Variants in NFAM1 observed in about 807,000 individuals in gnomAD.
NFAM1 encodes the protein NFAT activating protein with ITAM motif 1.
A neutral mutation model predicts 29.0 loss-of-function variants in NFAM1; 17 were observed. The ratio of observed to expected loss-of-function variants is 0.59; its 90% CI spans 0.40 to 0.88. NFAM1 has a LOEUF of 0.88. Ranked by LOEUF, NFAM1 falls within the 40% of genes least tolerant of loss-of-function variation. The pLI is 0.00. For synonymous variants in NFAM1, 175 were observed against 147.2 expected (o/e 1.19, Z -1.36); for missense variants, 324 against 344.6 (o/e 0.94, Z 0.47).
chr22:42,398,576 G>A (rs1041589983), intron 3 of NFAM1, among the ~76,000 whole-genome samples: 5 of 151,818 alleles, frequency 3.3e-5, no homozygotes, highest in African/African-American at 7.3e-5. Context: ...CACCACGCCC[G>A]GCTAATTTTG....
intron 3 of NFAM1, among the ~76,000 whole-genome samples, chr22:42,402,831 CTT>C (rs35045065): frequency 7.2e-5 from 7 of 97,126 alleles, no homozygotes; most frequent in Non-Finnish European, 5.7e-5. Flanking sequence ...TCTGTGCCTT[CTT>C]TTTTTTTTTT....
chr22:42,418,526 T>C (rs1171860429), intron 1 of NFAM1, among the ~76,000 whole-genome samples: 4 of 152,020 alleles, frequency 2.6e-5, no homozygotes, highest in Non-Finnish European at 5.9e-5. Flanking sequence ...ACCCCTTCTA[T>C]ACTAAAAATA....
intron 3 of NFAM1, among the ~76,000 whole-genome samples, chr22:42,401,414 G>A (rs1224869596): frequency 6.6e-6 from 1 of 152,158 alleles, no homozygotes; most frequent in Non-Finnish European, 1.5e-5. Context: ...GGCTGCAGTT[G>A]CATTGTATAA....
intron 1 of NFAM1, among the ~76,000 whole-genome samples, chr22:42,430,926 G>A (rs1052279061): frequency 6.6e-6 from 1 of 152,202 alleles, no homozygotes; most frequent in Non-Finnish European, 1.5e-5. Context: ...CCGGGGTCTG[G>A]CCGTGTTTGC....
intron 3 of NFAM1, among the ~76,000 whole-genome samples, chr22:42,407,838 T>C (rs988522274): frequency 1.3e-5 from 2 of 151,680 alleles, no homozygotes; most frequent in Non-Finnish European, 2.9e-5. Context: ...GAAATCCTCC[T>C]GCCTCAGTCT....
intron 5 of NFAM1, among the ~76,000 whole-genome samples, chr22:42,386,192 G>T (rs777379844): frequency 1.3e-5 from 2 of 152,020 alleles, no homozygotes; most frequent in Non-Finnish European, 2.9e-5. Flanking sequence ...GGCCAACATG[G>T]TGAAAACCTG....
upstream of NFAM1, among the ~76,000 whole-genome samples, chr22:42,434,043 G>A (rs1487439842): frequency 2.6e-5 from 4 of 152,078 alleles, no homozygotes; most frequent in African/African-American, 4.8e-5. Flanking sequence ...TGCCGCCTCC[G>A]CTCCTGCCCC....
intron 3 of NFAM1, among the ~76,000 whole-genome samples, chr22:42,403,808 C>T (rs147182155): frequency 6.6e-6 from 1 of 152,300 alleles, no homozygotes; most frequent in African/African-American, 2.4e-5. Flanking sequence ...CTCAGGGGAC[C>T]TACAGATGAC....
intron 1 of NFAM1, among the ~76,000 whole-genome samples, chr22:42,422,982 G>A (rs889272452): frequency 4.6e-5 from 7 of 151,806 alleles, no homozygotes; most frequent in Non-Finnish European, 8.8e-5. Flanking sequence ...GCGTGGTGGC[G>A]GGCGCCTGTA....
intron 3 of NFAM1, among the ~76,000 whole-genome samples, chr22:42,400,469 T>G (rs981857522): frequency 1.3e-5 from 2 of 152,022 alleles, no homozygotes; most frequent in African/African-American, 4.8e-5. Flanking sequence ...AATACAAAAA[T>G]TAGCCATGTG....
intron 1 of NFAM1, among the ~76,000 whole-genome samples, chr22:42,428,989 C>T (rs1208787649): frequency 1.3e-5 from 2 of 152,164 alleles, no homozygotes; most frequent in African/African-American, 4.8e-5. Context: ...CAGTGGCTGC[C>T]TTTGAGAAAA....
intron 4 of NFAM1, among the ~76,000 whole-genome samples, chr22:42,391,978 T>C (rs1929360074): frequency 6.7e-6 from 1 of 148,472 alleles, no homozygotes. Context: ...AATCGGAGTT[T>C]GGTTTGAGAG....
chr22:42,422,170 A>G (rs1471988461), intron 1 of NFAM1, among the ~76,000 whole-genome samples: 1 of 152,114 alleles, frequency 6.6e-6, no homozygotes, highest in African/African-American at 2.4e-5. Flanking sequence ...GCTCATTTTC[A>G]TGCCTCTAGA....
chr22:42,421,636 A>G (rs1930450436), intron 1 of NFAM1, among the ~76,000 whole-genome samples: 1 of 152,030 alleles, frequency 6.6e-6, no homozygotes, highest in Admixed American at 6.6e-5. Flanking sequence ...ATGGAACTCA[A>G]TCCCTTCTAT....
At chr22:42,393,809 C>A (rs79724169) in intron 4 of NFAM1, among the ~76,000 whole-genome samples, 1,560 of 151,910 alleles carry the variant, frequency 0.01, 26 homozygotes, top group African/African-American at 0.035. Context: ...TATATGATGG[C>A]TATGTGGTGT....
chr22:42,423,213 G>T (rs1930507781), intron 1 of NFAM1, among the ~76,000 whole-genome samples: 1 of 151,846 alleles, frequency 6.6e-6, no homozygotes, highest in South Asian at 2.1e-4. Flanking sequence ...CACCAAGGAG[G>T]GCCAGGCCCT....
At chr22:42,415,861 C>T (rs1296063141) in intron 1 of NFAM1, among the ~76,000 whole-genome samples, 2 of 152,174 alleles carry the variant, frequency 1.3e-5, no homozygotes, top group Non-Finnish European at 2.9e-5. Flanking sequence ...GAAGGGGTAC[C>T]AGTTAGGTCA....
intron 3 of NFAM1, among the ~76,000 whole-genome samples, chr22:42,399,140 C>T (rs534112215): frequency 8.5e-5 from 13 of 152,136 alleles, no homozygotes; most frequent in South Asian, 4.2e-4. Context: ...TCTGGAGGCA[C>T]GTGGAGAAGG....
intron 3 of NFAM1, among the ~76,000 whole-genome samples, chr22:42,402,242 T>A (rs1244392042): frequency 6.6e-6 from 1 of 152,050 alleles, no homozygotes; most frequent in Non-Finnish European, 1.5e-5. Context: ...CGAGCACAAC[T>A]CCAAGGCTTG....
Sources: gnomAD v4.1 joint callset for allele counts (sites outside exome capture counted in the v4.1 genomes callset) on GRCh38, gnomAD v4.1.1 for gene constraint, MANE v1.5 for transcripts, NCBI Gene and HGNC (gene_info 2026-07-23, HGNC 2026-07-21) for gene names.